The following MORC3 variants were observed in gnomAD, a reference collection of about 807,000 sequenced individuals.
MORC3 encodes MORC family CW-type zinc finger protein 3.
A neutral mutation model predicts 109.1 loss-of-function variants in MORC3; 31 were observed. That is an observed-to-expected ratio of 0.28 (90% CI 0.21 to 0.38). The LOEUF (loss-of-function observed/expected upper bound fraction) is 0.38, where lower values mean the gene tolerates loss of function less well. Among genes scored for constraint, MORC3 ranks in the 10% least tolerant of loss-of-function variants. The pLI, the probability that MORC3 is intolerant of heterozygous loss-of-function variation, is 1.00. For missense variants in MORC3, 867 were observed against 1,135.8 expected (o/e 0.76, Z 3.40); for synonymous variants, 395 against 380.7 (o/e 1.04, Z -0.44).
intron 14 of MORC3, among the ~76,000 whole-genome samples, chr21:36,365,511 G>C (rs745941686): frequency 1.3e-5 from 2 of 152,168 alleles, no homozygotes; most frequent in Non-Finnish European, 2.9e-5. Context: ...CCCCAAGGAA[G>C]ATTATAAATA....
chr21:36,370,637 ATATTTTTTTTTTTTTTTTTTT>A (rs1233749870), intron 15 of MORC3, among the ~76,000 whole-genome samples: 1 of 28,702 alleles, frequency 3.5e-5, no homozygotes, highest in African/African-American at 1.2e-4. Flanking sequence ...ATATATATAT[ATATTTTTTTTTTTTTTTTTTT>A]TTTTTTTTTT....
intron 1 of MORC3, among the ~76,000 whole-genome samples, chr21:36,322,872 C>T (rs903481144): frequency 6.6e-6 from 1 of 152,042 alleles, no homozygotes; most frequent in African/African-American, 2.4e-5. Flanking sequence ...TCTTCACCAC[C>T]TCCCATACTT....
intron 1 of MORC3, among the ~76,000 whole-genome samples, chr21:36,331,120 G>A (rs78263136): frequency 6.6e-6 from 1 of 151,960 alleles, no homozygotes; most frequent in African/African-American, 2.4e-5. Context: ...GTGGCAGCAC[G>A]TGAGCACTAC....
chr21:36,331,792 G>T (rs144151517), intron 1 of MORC3, among the ~76,000 whole-genome samples: 1 of 152,118 alleles, frequency 6.6e-6, no homozygotes, highest in East Asian at 1.9e-4. Flanking sequence ...GTTGCATTGC[G>T]TTCAAACGAA....
chr21:36,344,399 A>G (rs979292004), intron 6 of MORC3, among the ~76,000 whole-genome samples, 180 bp from the exon 7 acceptor site: 1 of 152,180 alleles, frequency 6.6e-6, no homozygotes, highest in Admixed American at 6.5e-5. Flanking sequence ...GCTGCGGTAT[A>G]TTGAGCTTAT....
chr21:36,327,142 A>G (rs565791898), intron 1 of MORC3, among the ~76,000 whole-genome samples: 1 of 137,052 alleles, frequency 7.3e-6, no homozygotes, highest in African/African-American at 2.8e-5. Flanking sequence ...AAAGATATTA[A>G]TTGGCTTTAT....
At position 36,369,885 on chromosome 21, in the gene MORC3, T is replaced by C. The variant is rs749693670; in HGVS notation, c.2508+9T>C. The C allele has an allele frequency of 4.4e-6, 7 of 1,600,064 alleles. No individual in the cohort carries two copies. Among genetic ancestry groups the C allele is most frequent in the African/African-American group, 2.7e-5 (2 of 74,904 alleles). On this transcript the variant is annotated intron_variant, in intron 15 of 16. Transcript: ENST00000400485. ...ACCAGTATAAAAGTGAGGTGAGTTA[T>C]ATCATCCAACATGTAGTCATGGAGT...
In MORC3 at chr21:36,340,784, C is replaced by G. The variant is rs150243874; in HGVS notation, c.609-615C>G. 1.1e-3 allele frequency among the ~76,000 whole-genome samples: 173 copies of G among 152,104 alleles called. 1 individual carries two copies. The East Asian group carries it at 0.016, about 14-fold the overall frequency. On this transcript the variant is annotated intron_variant, in intron 5 of 16. Transcript: ENST00000400485. ...CCCGTGTGGCTGGGATTATAGGCAC[C>G]TGCCACCATGCCTGGCTGATTTTTG...
At chr21:36,324,126 T>C (rs1389171527) in intron 1 of MORC3, among the ~76,000 whole-genome samples, 1 of 152,132 alleles carries the variant, frequency 6.6e-6, no homozygotes, top group East Asian at 1.9e-4. Flanking sequence ...CTGCCCGCCC[T>C]GGCCTCCCAA....
chr21:36,358,834 C>T (rs117917388), intron 10 of MORC3, among the ~76,000 whole-genome samples: 1 of 152,086 alleles, frequency 6.6e-6, no homozygotes, highest in East Asian at 1.9e-4. Context: ...AACCCGCCAT[C>T]ACGCATGGCT....
intron 10 of MORC3, among the ~76,000 whole-genome samples, chr21:36,357,459 G>C (rs1008314379): frequency 6.6e-6 from 1 of 151,986 alleles, no homozygotes; most frequent in Non-Finnish European, 1.5e-5. Context: ...GGGTCTCCCT[G>C]TGTTGCCCAG....
At chr21:36,330,528 T>C (rs948422693) in intron 1 of MORC3, among the ~76,000 whole-genome samples, 3 of 152,152 alleles carry the variant, frequency 2.0e-5, no homozygotes, top group African/African-American at 7.2e-5. Context: ...CTAAAATATA[T>C]AAAACCAGGC....
chr21:36,370,547 C>G (rs1436331344), intron 15 of MORC3, among the ~76,000 whole-genome samples: 1 of 141,102 alleles, frequency 7.1e-6, no homozygotes. Flanking sequence ...TAGATTATGT[C>G]TTTCAAGATT....
At chr21:36,353,845 A>G (rs999194629) in intron 9 of MORC3, among the ~76,000 whole-genome samples, 1 of 131,108 alleles carries the variant, frequency 7.6e-6, no homozygotes, top group African/African-American at 2.9e-5. Flanking sequence ...TGATCCGGCC[A>G]CCTCGGCCTC....
At position 36,328,168 on chromosome 21, in the gene MORC3, C is replaced by T. The variant is rs1220594393; in HGVS notation, c.40-5478C>T. On this transcript the variant is annotated intron_variant, in intron 1 of 16. Coordinates refer to ENST00000400485, the MANE Select transcript of MORC3 (RefSeq NM_015358.3). ...CTGGGATTATAGGTGTGAGCCACCA[C>T]GCCCAGCTGTCCTATATTTTTTATT... Among the ~76,000 whole-genome samples the T allele has an allele frequency of 3.9e-5, 6 of 152,054 alleles. No homozygotes were observed. The East Asian group carries it at 5.8e-4, about 15-fold the overall frequency.
intron 9 of MORC3, among the ~76,000 whole-genome samples, chr21:36,350,984 A>G (rs1264376758): frequency 6.6e-6 from 1 of 151,838 alleles, no homozygotes; most frequent in Non-Finnish European, 1.5e-5. Flanking sequence ...TGTGTTAGGA[A>G]CATTCCAATT....
intron 1 of MORC3, among the ~76,000 whole-genome samples, chr21:36,322,701 A>T (rs1301600407): frequency 6.6e-6 from 1 of 152,178 alleles, no homozygotes; most frequent in African/African-American, 2.4e-5. Context: ...ACAGTCATTT[A>T]GGAGGTCGGA....
chr21:36,333,423 G>A (rs1016191790), intron 1 of MORC3: 2 of 559,178 alleles, frequency 3.6e-6, no homozygotes, highest in Non-Finnish European at 6.3e-6. Context: ...AGAGGGCAAG[G>A]GTTTTGAACC....
In MORC3 at chr21:36,369,572, A is replaced by G. The variant is rs1421197234; in HGVS notation, c.2204A>G (p.Asn735Ser). 1.9e-6 allele frequency: 3 copies of G among 1,614,114 alleles called. No homozygotes were observed. Among genetic ancestry groups the G allele is most frequent in the African/African-American group, 1.3e-5 (1 of 74,938 alleles). Reference protein sequence around the residue: ...KVLQQRILEMNDKYVKKETCH... With the variant: ...KVLQQRILEMSDKYVKKETCH... ...TTACAACAGAGGATACTAGAAATGA[A>G]TGACAAGTATGTTAAGAAAGAAACT... The change falls in exon 15 of 17, where the codon AAT (asparagine) becomes AGT (serine). Residue 735 changes from asparagine to serine, a missense_variant. By Grantham distance (46) the Asn-to-Ser change is conservative (BLOSUM62 1). Transcript: ENST00000400485.
Sources: gnomAD v4.1 joint callset for allele counts (sites outside exome capture counted in the v4.1 genomes callset) on GRCh38, gnomAD v4.1.1 for gene constraint, MANE v1.5 for transcripts, NCBI Gene and HGNC (gene_info 2026-07-23, HGNC 2026-07-21) for gene names.